The following PVT1 variants were observed in gnomAD, a reference collection of about 807,000 sequenced individuals.
The protein encoded by PVT1 is Pvt1 oncogene.
intron 2 of PVT1, among the ~76,000 whole-genome samples, chr8:127,813,154 A>G (rs977735164): frequency 1.6e-4 from 23 of 146,824 alleles, no homozygotes; most frequent in African/African-American, 5.4e-4. Context: ...CAAAAAAAAT[A>G]TATGTATATA....
chr8:127,834,341 T>C (rs1208298421), intron 2 of PVT1, among the ~76,000 whole-genome samples: 1 of 152,094 alleles, frequency 6.6e-6, no homozygotes, highest in Non-Finnish European at 1.5e-5. Context: ...TATTTAATAA[T>C]GGTGTCAGGA....
intron 2 of PVT1, among the ~76,000 whole-genome samples, chr8:127,821,847 T>C (rs1814732705): frequency 6.6e-6 from 1 of 152,044 alleles, no homozygotes; most frequent in African/African-American, 2.4e-5. Context: ...ATTACATGTG[T>C]AGTTTGCATT....
intron 3 of PVT1, among the ~76,000 whole-genome samples, chr8:127,893,782 C>G (rs928395886): frequency 2.6e-5 from 4 of 152,212 alleles, no homozygotes; most frequent in Admixed American, 6.5e-5. Context: ...TTTCTCTTCT[C>G]AGCCTGGAGA....
intron 5 of PVT1, among the ~76,000 whole-genome samples, chr8:128,093,539 A>G (rs1814387603): frequency 6.6e-6 from 1 of 151,996 alleles, no homozygotes; most frequent in African/African-American, 2.4e-5. Context: ...CCTGGGGGAC[A>G]AGAGCAAGAC....
chr8:128,046,491 A>C (rs1813614548), intron 4 of PVT1, among the ~76,000 whole-genome samples: 1 of 152,180 alleles, frequency 6.6e-6, no homozygotes, highest in African/African-American at 2.4e-5. Context: ...GAACTGTAGG[A>C]TACTGGTTCC....
Position 127,857,554 on chromosome 8 carries a change from C to G in PVT1, n.373-33035C>G, listed in dbSNP as rs573209926. 3.3e-5 allele frequency among the ~76,000 whole-genome samples: 5 copies of G among 152,176 alleles called. No individual in the cohort carries two copies. The South Asian group carries it at 1.0e-3, about 32-fold the overall frequency. ...GGGCATGGTGGTGTGTGCCTATAGT[C>G]CCAGCTACTCAGTAGGTGAAAGAGG... On this transcript the variant is annotated intron_variant and non_coding_transcript_variant, in intron 2 of 10. Transcript: ENST00000651587.
intron 2 of PVT1, among the ~76,000 whole-genome samples, chr8:127,829,078 C>A (rs1428911160): frequency 6.6e-6 from 1 of 152,094 alleles, no homozygotes; most frequent in Non-Finnish European, 1.5e-5. Flanking sequence ...GAGTTCGAGA[C>A]CAGCCTGGCC....
At chr8:127,952,495 T>C (rs1288064740) in intron 3 of PVT1, among the ~76,000 whole-genome samples, 4 of 152,254 alleles carry the variant, frequency 2.6e-5, no homozygotes, top group African/African-American at 9.6e-5. Flanking sequence ...TCCAGACCCC[T>C]GGTTTCCTCA....
intron 4 of PVT1, among the ~76,000 whole-genome samples, chr8:128,001,916 G>A (rs1356763937): frequency 2.6e-5 from 4 of 152,012 alleles, no homozygotes; most frequent in Non-Finnish European, 4.4e-5. Flanking sequence ...TGACTGGATC[G>A]CCTCCCAAAG....
intron 5 of PVT1, among the ~76,000 whole-genome samples, chr8:128,078,242 G>C (rs1586510119): frequency 6.6e-6 from 1 of 152,324 alleles, no homozygotes; most frequent in South Asian, 2.1e-4. Flanking sequence ...CTAGCCTCTT[G>C]TAAGAAATTA....
intron 2 of PVT1, among the ~76,000 whole-genome samples, chr8:127,806,682 G>A (rs1215519484): frequency 6.6e-6 from 1 of 152,088 alleles, no homozygotes; most frequent in African/African-American, 2.4e-5. Context: ...ATTCCCTCCT[G>A]TCCCTTCACA....
chr8:127,840,000 C>T (rs1269418667), intron 2 of PVT1, among the ~76,000 whole-genome samples: 2 of 152,162 alleles, frequency 1.3e-5, no homozygotes, highest in Non-Finnish European at 2.9e-5. Flanking sequence ...AGCCCACAGG[C>T]ATCTGCTTCT....
At chr8:127,995,098 C>T (rs1368247752) in intron 4 of PVT1, among the ~76,000 whole-genome samples, 1 of 152,170 alleles carries the variant, frequency 6.6e-6, no homozygotes, top group African/African-American at 2.4e-5. Flanking sequence ...TACTGGGTAA[C>T]GTGCATCTCA....
chr8:127,926,479 C>A (rs1171494603), intron 3 of PVT1, among the ~76,000 whole-genome samples: 1 of 152,226 alleles, frequency 6.6e-6, no homozygotes, highest in Non-Finnish European at 1.5e-5. Flanking sequence ...GGAAGTTGCT[C>A]ACCCTGCACC....
chr8:127,811,616 A>G (rs1245563723), intron 2 of PVT1, among the ~76,000 whole-genome samples: 3 of 152,234 alleles, frequency 2.0e-5, no homozygotes, highest in Admixed American at 6.5e-5. Flanking sequence ...AGTTCCTTAC[A>G]TACTTTAGTG....
chr8:128,014,634 G>A (rs1302184881), intron 4 of PVT1, among the ~76,000 whole-genome samples: 2 of 152,302 alleles, frequency 1.3e-5, no homozygotes, highest in Non-Finnish European at 2.9e-5. Flanking sequence ...GGACCCAGTG[G>A]GTAGAAAGAA....
At chr8:128,044,259 A>G (rs949328497) in intron 4 of PVT1, among the ~76,000 whole-genome samples, 8 of 151,464 alleles carry the variant, frequency 5.3e-5, no homozygotes, top group African/African-American at 9.7e-5. Flanking sequence ...CATAGCACCT[A>G]TCATCATCTG....
chr8:127,812,252 AAGGC>A (rs1342195943), intron 2 of PVT1, among the ~76,000 whole-genome samples: 9 of 122,698 alleles, frequency 7.3e-5, no homozygotes, highest in Admixed American at 4.5e-4. Context: ...GGAAGGCAGG[AAGGC>A]AGGAAGGCAG....
At chr8:127,863,004 A>C (rs944424999) in intron 2 of PVT1, among the ~76,000 whole-genome samples, 3 of 152,142 alleles carry the variant, frequency 2.0e-5, no homozygotes, top group African/African-American at 7.2e-5. Context: ...ACAAATCTGC[A>C]TCTGATTGTG....
Sources: gnomAD v4.1 joint callset for allele counts (sites outside exome capture counted in the v4.1 genomes callset) on GRCh38, gnomAD v4.1.1 for gene constraint, MANE v1.5 for transcripts, NCBI Gene and HGNC (gene_info 2026-07-23, HGNC 2026-07-21) for gene names.